Variants in IFFO1 observed in about 807,000 individuals in gnomAD.
The protein encoded by IFFO1 is intermediate filament family orphan 1, also known as non-homologous end joining factor IFFO1.
In IFFO1, 42 loss-of-function variants were observed where a neutral mutation model predicts 59.6. The ratio of observed to expected loss-of-function variants is 0.70; its 90% CI spans 0.55 to 0.91. The LOEUF (loss-of-function observed/expected upper bound fraction) is 0.91, where lower values mean the gene tolerates loss of function less well. IFFO1 is among the 40% of genes least tolerant of loss of function. The pLI is 0.00. For synonymous variants in IFFO1, 336 were observed against 342.8 expected (o/e 0.98, Z 0.22); for missense variants, 711 against 793.2 (o/e 0.90, Z 1.24).
In IFFO1 at chr12:6,549,631, G is replaced by A. The variant is rs1947145183; in HGVS notation, c.1071+125C>T. Reference sequence around the variant, plus strand: ...TCCTTACCCCCCAGTCTAGCCCCGTGAGGGCCCCAGTTGCCAGGTAAGGCT... The same window carrying A: ...TCCTTACCCCCCAGTCTAGCCCCGTAAGGGCCCCAGTTGCCAGGTAAGGCT... On this transcript the variant is annotated intron_variant, in intron 4 of 9. Transcript: ENST00000619571. The surrounding 1 kb of genome is among the most constrained non-coding windows in gnomAD (Gnocchi z 5.0). The A allele has an allele frequency of 2.1e-6, 3 of 1,415,508 alleles. No homozygotes were observed. The highest frequency in any genetic ancestry group is 1.2e-5 in the South Asian group (1 of 80,354). 87.7% of individuals were successfully genotyped at this position (1,415,508 alleles called of 1,614,324 possible). A position where few individuals can be genotyped will look rare whatever the true frequency, so the allele number is the denominator to read the frequency against.
Position 6,550,982 on chromosome 12 carries a change from C to G in IFFO1, c.793G>C (p.Val265Leu). 6.2e-7 allele frequency: 1 copy of G among 1,614,188 alleles called. No individual in the cohort carries two copies. Among genetic ancestry groups the G allele is most frequent in the Non-Finnish European group, 8.5e-7 (1 of 1,180,022 alleles). ...ACACGGTCTTGCAGCTGGATCCGCA[C>G]CGTGTACTCCTCTTCCCACCTGACA... ...YKRRWEEEYT[V>L]RIQLQDRVNE... The change falls in exon 2 of 10, where the codon GTG becomes CTG. Residue 265 changes from valine (V) to leucine (L), a missense_variant. Physicochemically the swap from Val to Leu is conservative, Grantham distance 32 (BLOSUM62 1). Coordinates refer to ENST00000619571, the MANE Select transcript of IFFO1 (RefSeq NM_001193457.2).
Position 6,541,580 on chromosome 12 carries a change from G to A in IFFO1, c.1542C>T (p.Cys514=). 6.2e-7 allele frequency: 1 copy of A among 1,614,202 alleles called. No individual in the cohort carries two copies. Residue 514 remains cysteine (C), a synonymous_variant, in exon 9 of 10, where the codon TGC becomes TGT. Coordinates refer to ENST00000619571, the MANE Select transcript of IFFO1 (RefSeq NM_001193457.2). This position sits in a 1 kb window ranked among gnomAD's most constrained non-coding sequence, Gnocchi z 4.8. ...NRHLHEYMEM[C]SMKRGLDVQM... is the part of the protein sequence containing the mutation. ...GCACGTCCAGGCCGCGCTTCATGCT[G>A]CACATCTCCATGTACTCGTGCAGGT...
chr12:6,549,486 T>C lies in IFFO1; in HGVS notation c.1072-2A>G, dbSNP rs1947137568. On this transcript the variant is annotated splice_acceptor_variant, in intron 4 of 9. Transcript: ENST00000619571. LOFTEE classifies it high-confidence loss of function. The surrounding 1 kb of genome is among the most constrained non-coding windows in gnomAD (Gnocchi z 5.0). ...TGAGATCAAACTAACCAGCTTCTTC[T>C]GTGGAGGAAGCAAGAGAGAAGATGA... 6.2e-7 allele frequency: 1 copy of C among 1,611,786 alleles called. No homozygotes were observed. The highest frequency in any genetic ancestry group is 1.3e-5 in the African/African-American group (1 of 74,920).
At position 6,544,145 on chromosome 12, in the gene IFFO1, A is replaced by C. The variant is rs1008367735; in HGVS notation, c.1480-2503T>G. 4.0e-5 allele frequency among the ~76,000 whole-genome samples: 6 copies of C among 150,858 alleles called. No individual in the cohort carries two copies. In the South Asian group the frequency reaches 1.0e-3, roughly 26 times the overall value. On this transcript the variant is annotated intron_variant, in intron 8 of 9. Transcript: ENST00000619571. ...AGTCATTGCACTGGGAGAGAGGAGG[A>C]GTCAGATGATTTGAAAATACTTTTT...
At chr12:6,550,632 G>A (rs1947188351) in intron 3 of IFFO1, 63 bp downstream of exon 3, 1 of 1,279,404 alleles carries the variant, frequency 7.8e-7, no homozygotes, top group Non-Finnish European at 1.1e-6. Context: ...ACACTAGAAG[G>A]GCCTACTCTT....
At chr12:6,539,246 G>GT (rs1472920047), downstream of IFFO1, 2 of 152,390 alleles carry the variant, frequency 1.3e-5, no homozygotes, top group African/African-American at 4.8e-5. Flanking sequence ...GAGGTCAGGA[G>GT]TTTGAGACCA....
chr12:6,555,444 T>A lies in IFFO1; in HGVS notation c.586A>T (p.Ile196Phe). 1 of 1,613,658 alleles carries A rather than the reference T, an allele frequency of 6.2e-7. No individual in the cohort carries two copies. Among genetic ancestry groups the A allele is most frequent in the Non-Finnish European group, 8.5e-7 (1 of 1,179,818 alleles). The change falls in exon 1 of 10, where the codon ATC (isoleucine) becomes TTC (phenylalanine). Residue 196 changes from isoleucine (I) to phenylalanine (F), a missense_variant. Around this residue, in one of 3 missense-constraint regions of IFFO1, gnomAD observed 579 missense variants for 650.3 expected, o/e 0.89. Transcript: ENST00000619571. This position sits in a 1 kb window ranked among gnomAD's most constrained non-coding sequence, Gnocchi z 8.6. The stretch of plus-strand genomic sequence containing the variant: ...CGGCGGGCGTGCGAGAACGACCAGA[T>A]GGTGCCGGGCATGAAGCGGGCCGAC... ...SSSARFMPGT[I>F]WSFSHARRLG... is the part of the protein sequence containing the mutation.
chr12:6,550,786 G>C lies in IFFO1; in HGVS notation c.839C>G (p.Ala280Gly). 6.2e-7 allele frequency: 1 copy of C among 1,613,988 alleles called. No homozygotes were observed. Among genetic ancestry groups the C allele is most frequent in the Non-Finnish European group, 8.5e-7 (1 of 1,179,912 alleles). ...QDRVNELQEE[A>G]QEADACQEEL... ...CTCCTGGCAGGCATCAGCCTCCTGGGCTTCCTGCAGTTGGGAGAAACCCTG... is the reference window on the plus strand; with the variant it reads ...CTCCTGGCAGGCATCAGCCTCCTGGCCTTCCTGCAGTTGGGAGAAACCCTG... Residue 280 changes from alanine (A) to glycine (G), a missense_variant, in exon 3 of 10, where the codon GCC becomes GGC. Around this residue, in one of 3 missense-constraint regions of IFFO1, gnomAD observed 579 missense variants for 650.3 expected, o/e 0.89. Transcript: ENST00000619571.
chr12:6,549,502 GAGA>G lies in IFFO1; in HGVS notation c.1072-21_1072-19del, dbSNP rs777117357. The G allele has an allele frequency of 1.9e-6, 3 of 1,604,356 alleles. No individual in the cohort carries two copies. In the Admixed American group the frequency reaches 5.0e-5, roughly 27 times the overall value. On this transcript the variant is annotated intron_variant, in intron 4 of 9. Transcript: ENST00000619571. This position sits in a 1 kb window ranked among gnomAD's most constrained non-coding sequence, Gnocchi z 5.0. ...AGCTTCTTCTGTGGAGGAAGCAAGA[GAGA>G]AGATGAGAGGAAGAGAGGAGAGGAA...
In IFFO1 at chr12:6,541,597, C is replaced by CGTGCAG; in HGVS notation, c.1519_1524dup (p.Leu507_His508dup). The CGTGCAG allele has an allele frequency of 6.2e-7, 1 of 1,614,178 alleles. No homozygotes were observed. Among genetic ancestry groups the CGTGCAG allele is most frequent in the Non-Finnish European group, 8.5e-7 (1 of 1,180,016 alleles). ...TTCATGCTGCACATCTCCATGTACT[C>CGTGCAG]GTGCAGGTGCCGGTTCATGTCGTTC... is the stretch of plus-strand genomic sequence containing the variant. On this transcript the variant is annotated inframe_insertion, in exon 9 of 10. Transcript: ENST00000619571. This position sits in a 1 kb window ranked among gnomAD's most constrained non-coding sequence, Gnocchi z 4.8.
Position 6,555,899 on chromosome 12 carries a change from G to T in IFFO1, c.131C>A (p.Ser44Ter). The T allele has an allele frequency of 6.4e-7, 1 of 1,564,962 alleles. No individual in the cohort carries two copies. Among genetic ancestry groups the T allele is most frequent in the Non-Finnish European group, 8.6e-7 (1 of 1,159,178 alleles). ...CGAGTAGGCAGCAGGGCCGGCCGGC[G>T]AGAGAGGCGCCGGGGGCAAGTCTCC... ...GGGDLPPAPL[S>*]PAGPAAYSPP... Residue 44 changes from serine to a stop codon, truncating the protein, a stop_gained, in exon 1 of 10, where the codon TCG becomes TAG. Transcript: ENST00000619571. LOFTEE classifies it high-confidence loss of function. The surrounding 1 kb of genome is among the most constrained non-coding windows in gnomAD (Gnocchi z 8.6).
chr12:6,550,049 A>G, intron 3 of IFFO1, 153 bp from the exon 4 acceptor site: 1 of 807,720 alleles, frequency 1.2e-6, no homozygotes, highest in Non-Finnish European at 1.9e-6. Flanking sequence ...CTTCCTGGGT[A>G]GCGGTGGCCT....
intron 8 of IFFO1, among the ~76,000 whole-genome samples, chr12:6,546,438 C>A (rs1376698592): frequency 6.6e-6 from 1 of 152,232 alleles, no homozygotes; most frequent in African/African-American, 2.4e-5. Flanking sequence ...CATCCCTCCT[C>A]CCACAGCAAC....
chr12:6,544,004 G>C (rs1946837696), intron 8 of IFFO1: 1 of 151,954 alleles, frequency 6.6e-6, no homozygotes, highest in Non-Finnish European at 1.5e-5. Flanking sequence ...TAGTAATAAA[G>C]TACACAATAA....
chr12:6,550,558 AG>A, intron 3 of IFFO1, 136 bp downstream of exon 3: 1 of 630,898 alleles, frequency 1.6e-6, no homozygotes. Context: ...AGGGGTGGCT[AG>A]GGGAAAAAGG....
In IFFO1 at chr12:6,548,637, G is replaced by C; in HGVS notation, c.1262+31C>G. The C allele has an allele frequency of 1.2e-6, 2 of 1,613,904 alleles. No homozygotes were observed. Among genetic ancestry groups the C allele is most frequent in the Non-Finnish European group, 8.5e-7 (1 of 1,179,892 alleles). ...CGGCCTCCTGGGCTGCTGTGGCGTC[G>C]GTGCTGCGGGAGCACGGCCTGCGGA... On this transcript the variant is annotated intron_variant, in intron 6 of 9. Transcript: ENST00000619571. The surrounding 1 kb of genome is among the most constrained non-coding windows in gnomAD (Gnocchi z 6.1).
chr12:6,551,305 C>T lies in IFFO1; in HGVS notation c.774-304G>A. On this transcript the variant is annotated intron_variant, in intron 1 of 9. Coordinates refer to ENST00000619571, the MANE Select transcript of IFFO1 (RefSeq NM_001193457.2). Reference sequence around the variant, plus strand: ...CGGTCCTCCGTGATGCCCATCCCTGCTCAGGCCCCAGCTCAGCCAGCTGTC... The same window carrying T: ...CGGTCCTCCGTGATGCCCATCCCTGTTCAGGCCCCAGCTCAGCCAGCTGTC... The T allele has an allele frequency of 1.1e-5, 8 of 741,202 alleles. No individual in the cohort carries two copies. The South Asian group carries it at 1.3e-4, about 12-fold the overall frequency. 45.9% of individuals were successfully genotyped at this position (741,202 alleles called of 1,614,324 possible). A position where few individuals can be genotyped will look rare whatever the true frequency, so the allele number is the denominator to read the frequency against.
chr12:6,549,490 G>A lies in IFFO1; in HGVS notation c.1072-6C>T. 2 of 1,611,598 alleles carry A rather than the reference G, an allele frequency of 1.2e-6. No individual in the cohort carries two copies. Among genetic ancestry groups the A allele is most frequent in the East Asian group, 2.2e-5 (1 of 44,872 alleles). On this transcript the variant is annotated splice_region_variant and splice_polypyrimidine_tract_variant and intron_variant, in intron 4 of 9. Coordinates refer to ENST00000619571, the MANE Select transcript of IFFO1 (RefSeq NM_001193457.2). This position sits in a 1 kb window ranked among gnomAD's most constrained non-coding sequence, Gnocchi z 5.0. ...ATCAAACTAACCAGCTTCTTCTGTG[G>A]AGGAAGCAAGAGAGAAGATGAGAGG...
Position 6,549,565 on chromosome 12 carries a change from G to T in IFFO1, c.1072-81C>A. The T allele has an allele frequency of 7.6e-7, 1 of 1,313,618 alleles. No homozygotes were observed. The highest frequency in any genetic ancestry group is 1.1e-6 in the Non-Finnish European group (1 of 910,056). 81.4% of individuals were successfully genotyped at this position (1,313,618 alleles called of 1,614,324 possible). A position where few individuals can be genotyped will look rare whatever the true frequency, so the allele number is the denominator to read the frequency against. On this transcript the variant is annotated intron_variant, in intron 4 of 9. Coordinates refer to ENST00000619571, the MANE Select transcript of IFFO1 (RefSeq NM_001193457.2). This position sits in a 1 kb window ranked among gnomAD's most constrained non-coding sequence, Gnocchi z 5.0. Reference sequence around the variant, plus strand: ...GGAGAGAGAGGGGGAAGGGAGAGACGGCGTTAGAGACAGCTTCCACGATGC... The same window carrying T: ...GGAGAGAGAGGGGGAAGGGAGAGACTGCGTTAGAGACAGCTTCCACGATGC...
Sources: allele counts gnomAD v4.1 joint callset (sites outside exome capture counted in the v4.1 genomes callset), GRCh38; gene constraint gnomAD v4.1.1; regional missense constraint gnomAD v4.1.1; non-coding constraint Gnocchi (gnomAD v3.1); transcripts MANE v1.5; gene names NCBI Gene and HGNC (gene_info 2026-07-23, HGNC 2026-07-21).